GPBP1: variants seen among roughly 807,000 people sequenced by gnomAD.
The protein encoded by GPBP1 is vasculin.
In GPBP1, 13 loss-of-function variants were observed where a neutral mutation model predicts 56.5. The ratio of observed to expected loss-of-function variants is 0.23; its 90% CI spans 0.15 to 0.37. The LOEUF is 0.37. Among genes scored for constraint, GPBP1 ranks in the 10% least tolerant of loss-of-function variants. The pLI is 1.00. For synonymous variants in GPBP1, 204 were observed against 188.9 expected, an observed-to-expected ratio of 1.08 and a Z score of -0.66; for missense variants, 477 against 572.3, an observed-to-expected ratio of 0.83 and a Z score of 1.70.
At chr5:57,220,628 T>A (rs1755915698) in intron 3 of GPBP1, among the ~76,000 whole-genome samples, 1 of 151,680 alleles carries the variant, frequency 6.6e-6, no homozygotes, top group Non-Finnish European at 1.5e-5. Flanking sequence ...CCCAGCTGAT[T>A]TTTGTATTTT....
chr5:57,188,795 T>C (rs1754398784), intron 2 of GPBP1, among the ~76,000 whole-genome samples: 1 of 152,098 alleles, frequency 6.6e-6, no homozygotes, highest in Admixed American at 6.5e-5. Context: ...ATACTCTCTC[T>C]ATTCTTTCTC....
At chr5:57,251,644 G>T (rs1342201675) in intron 10 of GPBP1, among the ~76,000 whole-genome samples, 1 of 148,636 alleles carries the variant, frequency 6.7e-6, no homozygotes, top group Non-Finnish European at 1.5e-5. Flanking sequence ...TAATGCTGCT[G>T]TGAACATTCA....
At chr5:57,199,490 C>G (rs1754904736) in intron 2 of GPBP1, among the ~76,000 whole-genome samples, 1 of 152,030 alleles carries the variant, frequency 6.6e-6, no homozygotes, top group Non-Finnish European at 1.5e-5. Context: ...AAAGGTGACA[C>G]TTCTCCTTCC....
chr5:57,199,280 CTA>C (rs1410907283), intron 2 of GPBP1, among the ~76,000 whole-genome samples: 8 of 152,186 alleles, frequency 5.3e-5, no homozygotes, highest in South Asian at 4.1e-4. Context: ...TAGTTTCTGA[CTA>C]TTTTTTATAG....
At position 57,214,135 on chromosome 5, in the gene GPBP1, C is replaced by T. The variant is rs1268417090; in HGVS notation, c.5C>T (p.Ala2Val). 6.2e-7 allele frequency: 1 copy of T among 1,613,512 alleles called. No individual in the cohort carries two copies. The highest frequency in any genetic ancestry group is 1.7e-5 in the Admixed American group (1 of 59,994). Reference sequence around the variant, plus strand: ...AGTTGGAGAGACTGGACCTAAATGGCGCAGCATGACTTTGCTCCAGCCTGG... The same window carrying T: ...AGTTGGAGAGACTGGACCTAAATGGTGCAGCATGACTTTGCTCCAGCCTGG... Reference protein sequence around the residue: MAQHDFAPAWLN... With the variant: MVQHDFAPAWLN... Residue 2 changes from alanine to valine, a missense_variant, in exon 3 of 12, where the codon GCG (alanine) becomes GTG (valine). Transcript: ENST00000506184.
chr5:57,185,699 G>T (rs961876276), intron 2 of GPBP1, among the ~76,000 whole-genome samples: 1 of 151,716 alleles, frequency 6.6e-6, no homozygotes, highest in Non-Finnish European at 1.5e-5. Context: ...TATTTTGCCT[G>T]TTTAAAAAAA....
chr5:57,212,318 A>G lies in GPBP1; in HGVS notation c.-57-1756A>G, dbSNP rs185397666. Among the ~76,000 whole-genome samples, 106 of 152,326 alleles carry G rather than the reference A, an allele frequency of 7.0e-4. 1 individual carries two copies. The highest frequency in any genetic ancestry group is 2.5e-3 in the African/African-American group (106 of 41,576). ...CTAAAATACTAAAGCACCGTTTAGTATTTAACTTCATGTTAAAAGATGAAA... is the reference window on the plus strand; with the variant it reads ...CTAAAATACTAAAGCACCGTTTAGTGTTTAACTTCATGTTAAAAGATGAAA... On this transcript the variant is annotated intron_variant, in intron 2 of 11. Transcript: ENST00000506184.
intron 2 of GPBP1, among the ~76,000 whole-genome samples, chr5:57,189,803 T>C (rs1443898228): frequency 6.6e-6 from 1 of 152,212 alleles, no homozygotes; most frequent in Non-Finnish European, 1.5e-5. Context: ...CTTACTGTCT[T>C]ACTGGCCCAT....
At chr5:57,237,880 AT>A (rs1454567811) in intron 6 of GPBP1, among the ~76,000 whole-genome samples, 1 of 152,112 alleles carries the variant, frequency 6.6e-6, no homozygotes, top group Non-Finnish European at 1.5e-5. Flanking sequence ...TGAAACTATA[AT>A]TTTGTAGATT....
chr5:57,206,548 A>G (rs1755242051), intron 2 of GPBP1, among the ~76,000 whole-genome samples: 4 of 152,046 alleles, frequency 2.6e-5, no homozygotes, highest in Non-Finnish European at 5.9e-5. Context: ...ACAGGCACCT[A>G]CAACGATGCC....
At chr5:57,216,102 T>G (rs4700172) in intron 3 of GPBP1, among the ~76,000 whole-genome samples, 7 of 152,188 alleles carry the variant, frequency 4.6e-5, no homozygotes, top group Non-Finnish European at 1.0e-4. Context: ...CTCAGTGTTC[T>G]TGGGCTGATG....
In GPBP1 at chr5:57,219,409, AAC is replaced by A. The variant is rs1273371018; in HGVS notation, c.63+5218_63+5219del. On this transcript the variant is annotated intron_variant, in intron 3 of 11. Transcript: ENST00000506184. ...AAAAAAAAAAAAAAAAAAAACCAAA[AAC>A]AAACAAACAAAAAAAAAAACAACAA... Among the ~76,000 whole-genome samples the A allele has an allele frequency of 2.6e-3, 156 of 60,146 alleles. 13 individuals carry two copies. Among genetic ancestry groups the A allele is most frequent in the African/African-American group, 0.014 (102 of 7,550 alleles). 39.5% of individuals were successfully genotyped at this position (60,146 alleles called of 152,430 possible). A position where few individuals can be genotyped will look rare whatever the true frequency, so the allele number is the denominator to read the frequency against.
intron 3 of GPBP1, among the ~76,000 whole-genome samples, chr5:57,222,651 A>G (rs1439092191): frequency 1.3e-5 from 2 of 152,092 alleles, no homozygotes; most frequent in African/African-American, 2.4e-5. Flanking sequence ...TTAATTACCT[A>G]TTAATGGACT....
rs562670160 is a variant in GPBP1, at chr5:57,257,697, C to T, written c.1161-3483C>T. ...CTTGAACTCCTAGCCTCAAGTAATCCTCATGCCCTGGCCTCTTGAATTGCT... is the reference window on the plus strand; with the variant it reads ...CTTGAACTCCTAGCCTCAAGTAATCTTCATGCCCTGGCCTCTTGAATTGCT... On this transcript the variant is annotated intron_variant, in intron 10 of 11. Coordinates refer to ENST00000506184, the MANE Select transcript of GPBP1 (RefSeq NM_022913.4). 9.9e-5 allele frequency among the ~76,000 whole-genome samples: 15 copies of T among 152,274 alleles called. No individual in the cohort carries two copies. The South Asian group carries it at 3.1e-3, about 32-fold the overall frequency.
intron 10 of GPBP1, 72 bp downstream of exon 10, chr5:57,251,213 T>A: frequency 7.7e-7 from 1 of 1,300,470 alleles, no homozygotes; most frequent in Non-Finnish European, 1.1e-6. Context: ...AGTTTTTACG[T>A]GATTTAACAG....
rs1561382075 is a variant in GPBP1, at chr5:57,261,295, G to A, written c.1263+13G>A. 2 of 1,433,236 alleles carry A rather than the reference G, an allele frequency of 1.4e-6. No homozygotes were observed. The highest frequency in any genetic ancestry group is 1.7e-5 in the Admixed American group (1 of 59,532). 88.8% of individuals were successfully genotyped at this position (1,433,236 alleles called of 1,614,324 possible). A position where few individuals can be genotyped will look rare whatever the true frequency, so the allele number is the denominator to read the frequency against. ...TATTAGTGAACAGGTAAGAAAACCTGAATCATACAACTTCACTTTTAAACT... is the reference window on the plus strand; with the variant it reads ...TATTAGTGAACAGGTAAGAAAACCTAAATCATACAACTTCACTTTTAAACT... On this transcript the variant is annotated intron_variant, in intron 11 of 11. Coordinates refer to ENST00000506184, the MANE Select transcript of GPBP1 (RefSeq NM_022913.4).
intron 3 of GPBP1, among the ~76,000 whole-genome samples, chr5:57,223,987 C>G (rs1580034993): frequency 6.6e-6 from 1 of 151,672 alleles, no homozygotes; most frequent in East Asian, 1.9e-4. Flanking sequence ...GCGCCCGCCA[C>G]CACACCTGGC....
rs186300956 is a variant in GPBP1, at chr5:57,215,434, T to C, written c.63+1241T>C. Among the ~76,000 whole-genome samples, 3 of 152,336 alleles carry C rather than the reference T, an allele frequency of 2.0e-5. No homozygotes were observed. In the East Asian group the frequency reaches 5.8e-4, roughly 29 times the overall value. Reference sequence around the variant, plus strand: ...CTCATTTGATATCAAACCCATCCGTTAGGCTCCATTAATTCCCAGCTGATT... The same window carrying C: ...CTCATTTGATATCAAACCCATCCGTCAGGCTCCATTAATTCCCAGCTGATT... On this transcript the variant is annotated intron_variant, in intron 3 of 11. Transcript: ENST00000506184.
At chr5:57,197,679 G>C (rs1377834879) in intron 2 of GPBP1, among the ~76,000 whole-genome samples, 1 of 115,890 alleles carries the variant, frequency 8.6e-6, no homozygotes, top group Non-Finnish European at 1.7e-5. Context: ...TTTTTTGCTT[G>C]ATGTCATGTT....
Sources: allele counts gnomAD v4.1 joint callset (sites outside exome capture counted in the v4.1 genomes callset), GRCh38; gene constraint gnomAD v4.1.1; transcripts MANE v1.5; gene names NCBI Gene and HGNC (gene_info 2026-07-23, HGNC 2026-07-21).